PHTF2: variants seen among roughly 807,000 people sequenced by gnomAD.
PHTF2 encodes the protein putative homeodomain transcription factor 2, also known as protein PHTF2.
Under a neutral mutation model 101.2 loss-of-function variants are expected in PHTF2, and 60 were observed. The ratio of observed to expected loss-of-function variants is 0.59; its 90% confidence interval spans 0.48 to 0.73. The LOEUF is 0.73. Among genes scored for constraint, PHTF2 ranks in the 30% least tolerant of loss-of-function variants. The pLI is 0.00. For synonymous variants in PHTF2, 311 were observed against 307.3 expected (o/e 1.01, Z -0.13); for missense variants, 747 against 908.7 (o/e 0.82, Z 2.29).
intron 3 of PHTF2, among the ~76,000 whole-genome samples, chr7:77,892,276 C>A (rs1265372397): frequency 6.6e-6 from 1 of 152,006 alleles, no homozygotes; most frequent in African/African-American, 2.4e-5. Flanking sequence ...GGCAACAGAG[C>A]GAGACTCTAT....
At chr7:77,913,048 A>G (rs893935926) in intron 9 of PHTF2, among the ~76,000 whole-genome samples, 28 of 152,044 alleles carry the variant, frequency 1.8e-4, no homozygotes, top group African/African-American at 6.8e-4. Flanking sequence ...ACTTTAATAA[A>G]CCTTTATGAA....
At chr7:77,942,484 A>C (rs1805707901) in intron 15 of PHTF2, among the ~76,000 whole-genome samples, 1 of 152,220 alleles carries the variant, frequency 6.6e-6, no homozygotes, top group Non-Finnish European at 1.5e-5. Context: ...TATGCTATAT[A>C]AATATAGATA....
chr7:77,894,929 A>G (rs1377691705), intron 5 of PHTF2, among the ~76,000 whole-genome samples: 3 of 152,156 alleles, frequency 2.0e-5, no homozygotes. Flanking sequence ...ATTAGGAGTA[A>G]AACTAGAAAG....
At chr7:77,954,640 A>ATGTATGTG in intron 19 of PHTF2, among the ~76,000 whole-genome samples, 2 of 143,008 alleles carry the variant, frequency 1.4e-5, no homozygotes, top group African/African-American at 5.0e-5. Context: ...ATATATATAT[A>ATGTATGTG]TATATAGCCA....
At chr7:77,800,281 G>A (rs989131950) in intron 1 of PHTF2, among the ~76,000 whole-genome samples, 2 of 152,160 alleles carry the variant, frequency 1.3e-5, no homozygotes, top group Non-Finnish European at 2.9e-5. Context: ...CCTCCATAAC[G>A]TAGAGGAGAG....
intron 3 of PHTF2, among the ~76,000 whole-genome samples, chr7:77,869,627 G>A (rs778050750): frequency 1.3e-5 from 2 of 152,062 alleles, no homozygotes; most frequent in Non-Finnish European, 2.9e-5. Flanking sequence ...AGTTTTTTAA[G>A]GAACCTTCAT....
At chr7:77,956,292 A>G (rs182363924) in exon 20 of PHTF2, 1 of 152,666 alleles carries the variant, frequency 6.6e-6, no homozygotes, top group African/African-American at 2.4e-5. Context: ...AATTGTAAAT[A>G]ATTTATTTGA....
At chr7:77,899,194 T>C (rs1801151898) in intron 5 of PHTF2, among the ~76,000 whole-genome samples, 1 of 152,166 alleles carries the variant, frequency 6.6e-6, no homozygotes, top group Admixed American at 6.6e-5. Context: ...GCACTATACT[T>C]GAGGGCCATC....
chr7:77,908,905 T>C (rs1802105244), exon 8 of PHTF2: 2 of 1,613,408 alleles, frequency 1.2e-6, no homozygotes, highest in Non-Finnish European at 1.7e-6. Context: ...ATTGCCAGAT[T>C]GTTTCCACAA....
intron 5 of PHTF2, chr7:77,895,942 C>A (rs991049414): frequency 9.9e-5 from 15 of 152,022 alleles, no homozygotes; most frequent in Admixed American, 4.6e-4. Flanking sequence ...CAGATGAAGT[C>A]CTTGTTTCAC....
intron 2 of PHTF2, among the ~76,000 whole-genome samples, chr7:77,851,964 T>G (rs1315140540): frequency 6.6e-6 from 1 of 152,226 alleles, no homozygotes; most frequent in Non-Finnish European, 1.5e-5. Context: ...ATTTCTTCAT[T>G]GATTCACTGG....
intron 9 of PHTF2, among the ~76,000 whole-genome samples, chr7:77,910,914 C>T (rs911200231): frequency 6.6e-6 from 1 of 152,040 alleles, no homozygotes; most frequent in Non-Finnish European, 1.5e-5. Context: ...GCCAGGATTT[C>T]TTGATTTTGG....
chr7:77,930,108 C>T (rs1804429653), intron 12 of PHTF2, among the ~76,000 whole-genome samples: 1 of 151,956 alleles, frequency 6.6e-6, no homozygotes. Flanking sequence ...CGCCCGCCAC[C>T]ACACCCGGCT....
intron 3 of PHTF2, among the ~76,000 whole-genome samples, chr7:77,869,717 G>A (rs1412744604): frequency 6.6e-6 from 1 of 152,032 alleles, no homozygotes; most frequent in Non-Finnish European, 1.5e-5. Context: ...GATCTCACCA[G>A]CATATGTTAT....
chr7:77,906,203 G>T (rs1205835912), intron 7 of PHTF2: 1 of 152,242 alleles, frequency 6.6e-6, no homozygotes, highest in Admixed American at 6.6e-5. Flanking sequence ...GGCCAGGCTG[G>T]TCTCAAACTC....
chr7:77,919,166 G>A (rs973438701), intron 9 of PHTF2, among the ~76,000 whole-genome samples: 30 of 152,146 alleles, frequency 2.0e-4, no homozygotes, highest in Admixed American at 3.3e-4. Context: ...ACTTAGACTG[G>A]TTCTTCGTCC....
intron 3 of PHTF2, among the ~76,000 whole-genome samples, chr7:77,892,059 C>T (rs895857786): frequency 2.0e-5 from 3 of 152,158 alleles, no homozygotes; most frequent in South Asian, 4.1e-4. Context: ...GGGTGGATCA[C>T]GAGGTCAGGA....
exon 1 of PHTF2, chr7:77,798,943 C>T (rs974842714): frequency 1.3e-5 from 2 of 152,712 alleles, no homozygotes; most frequent in African/African-American, 2.4e-5. Flanking sequence ...CCTCAGCCGC[C>T]TCCTAGCGGC....
chr7:77,821,206 T>C (rs1377204363), intron 1 of PHTF2, among the ~76,000 whole-genome samples: 1 of 152,206 alleles, frequency 6.6e-6, no homozygotes, highest in Non-Finnish European at 1.5e-5. Flanking sequence ...GAGAAATCTG[T>C]TATTAGTCTA....
Sources: allele counts gnomAD v4.1 joint callset (sites outside exome capture counted in the v4.1 genomes callset), GRCh38; gene constraint gnomAD v4.1.1; transcripts MANE v1.5; gene names NCBI Gene and HGNC (gene_info 2026-07-23, HGNC 2026-07-21).